Variants in DNAH6 observed in about 807,000 individuals in gnomAD.
DNAH6 encodes the protein dynein axonemal heavy chain 6.
DNAH6 carries 340 observed loss-of-function variants against 491.4 expected under a neutral mutation model. That is an observed-to-expected ratio of 0.69 (90% CI 0.63 to 0.76). The LOEUF (loss-of-function observed/expected upper bound fraction) is 0.76. Among genes scored for constraint, DNAH6 ranks in the 30% least tolerant of loss-of-function variants. DNAH6 has a pLI of 0.00. For missense variants in DNAH6, 4,443 were observed against 4,972.2 expected (o/e 0.89, Z 3.20); for synonymous variants, 1,603 against 1,686.1 (o/e 0.95, Z 1.21).
At chr2:84,582,722 G>A (rs896125656) in intron 14 of DNAH6, among the ~76,000 whole-genome samples, 1 of 152,208 alleles carries the variant, frequency 6.6e-6, no homozygotes, top group Non-Finnish European at 1.5e-5. Flanking sequence ...AAAGTGCTGG[G>A]ATTACAGGTG....
intron 7 of DNAH6, 123 bp from the exon 8 acceptor site, chr2:84,548,165 T>C: frequency 3.8e-6 from 4 of 1,065,920 alleles, no homozygotes; most frequent in Non-Finnish European, 5.3e-6. Context: ...CAGGTTTGAA[T>C]TGCTTCGTGT....
chr2:84,706,960 A>G lies in DNAH6; in HGVS notation c.8792A>G (p.Asp2931Gly). ...CAAGCATTACTAAGACAAGTAGAAG[A>G]TCAAATACAGGCCTTACAAGATGAA... is the stretch of plus-strand genomic sequence containing the variant. ...EKQALLRQVE[D>G]QIQALQDEYD... Residue 2931 changes from aspartate (D) to glycine (G), a missense_variant, in exon 53 of 77, where the codon GAT becomes GGT. Coordinates refer to ENST00000389394, the MANE Select transcript of DNAH6 (RefSeq NM_001370.2). The G allele has an allele frequency of 6.5e-7, 1 of 1,544,626 alleles. No homozygotes were observed. The highest frequency in any genetic ancestry group is 8.7e-7 in the Non-Finnish European group (1 of 1,145,676).
Position 84,709,503 on chromosome 2 carries a change from C to T in DNAH6, c.9209C>T (p.Thr3070Ile), listed in dbSNP as rs557863373. Reference sequence around the variant, plus strand: ...TCAACAGAAAATGGCATTTTGGTTACTCAAGGCAGAAGATGGCCTTTGATG... The same window carrying T: ...TCAACAGAAAATGGCATTTTGGTTATTCAAGGCAGAAGATGGCCTTTGATG... ...LISTENGILVTQGRRWPLMID... is the reference protein window; with the variant it reads ...LISTENGILVIQGRRWPLMID... Residue 3070 changes from threonine (T) to isoleucine (I), a missense_variant, in exon 55 of 77, where the codon ACT (threonine) becomes ATT (isoleucine). By Grantham distance (89) the Thr-to-Ile change is moderately conservative (BLOSUM62 -1). Around this residue, in one of 3 missense-constraint regions of DNAH6, gnomAD observed 1,463 missense variants for 1,656.6 expected, o/e 0.88. Transcript: ENST00000389394. The T allele has an allele frequency of 3.4e-5, 52 of 1,551,556 alleles. No homozygotes were observed. The highest frequency in any genetic ancestry group is 3.3e-4 in the Middle Eastern group (2 of 5,990).
At chr2:84,528,129 C>T (rs538929591) in intron 3 of DNAH6, among the ~76,000 whole-genome samples, 1 of 152,140 alleles carries the variant, frequency 6.6e-6, no homozygotes, top group South Asian at 2.1e-4. Flanking sequence ...ACAGTGAAGC[C>T]CAGAGACTAG....
chr2:84,581,427 C>A (rs1186894215), intron 14 of DNAH6, among the ~76,000 whole-genome samples: 1 of 152,252 alleles, frequency 6.6e-6, no homozygotes, highest in Admixed American at 6.5e-5. Flanking sequence ...AATGAATAAA[C>A]CTGCTTTAAA....
chr2:84,623,106 A>G (rs1426477842), intron 26 of DNAH6, among the ~76,000 whole-genome samples: 1 of 152,198 alleles, frequency 6.6e-6, no homozygotes, highest in Non-Finnish European at 1.5e-5. Flanking sequence ...AAAATGGATT[A>G]AGGATTTAAA....
upstream of DNAH6, among the ~76,000 whole-genome samples, chr2:84,512,169 C>T (rs955408480): frequency 2.6e-5 from 4 of 151,892 alleles, no homozygotes; most frequent in Middle Eastern, 3.2e-3. Flanking sequence ...TTCTATAGTC[C>T]CTTAGTCAAT....
chr2:84,660,246 T>C (rs1373416186), intron 37 of DNAH6, among the ~76,000 whole-genome samples: 1 of 152,140 alleles, frequency 6.6e-6, no homozygotes, highest in East Asian at 1.9e-4. Context: ...CAAAGAATGA[T>C]GTGACATGTC....
chr2:84,461,670 G>T, the DNAH6 span, among the ~76,000 whole-genome samples: 22 of 152,152 alleles, frequency 1.4e-4, no homozygotes. Context: ...CCAAATAGTC[G>T]ATAATGGTAG....
At chr2:84,473,353 C>G in the DNAH6 span, among the ~76,000 whole-genome samples, 1 of 152,132 alleles carries the variant, frequency 6.6e-6, no homozygotes, top group Non-Finnish European at 1.5e-5. Flanking sequence ...GCAATTTGGT[C>G]TAAGTACAGA....
chr2:84,723,689 A>T (rs184755124), intron 60 of DNAH6, among the ~76,000 whole-genome samples: 241 of 152,184 alleles, frequency 1.6e-3, no homozygotes, highest in African/African-American at 5.4e-3. Flanking sequence ...ACTTAGAGGG[A>T]TCTCTTTCCT....
chr2:84,541,574 T>C (rs1678247413), intron 4 of DNAH6, among the ~76,000 whole-genome samples: 1 of 152,116 alleles, frequency 6.6e-6, no homozygotes, highest in South Asian at 2.1e-4. Flanking sequence ...AAGAAAAGAT[T>C]TTCTATGTGC....
At chr2:84,739,408 G>T (rs1051247834) in intron 62 of DNAH6, among the ~76,000 whole-genome samples, 4 of 151,998 alleles carry the variant, frequency 2.6e-5, no homozygotes, top group African/African-American at 9.7e-5. Context: ...GCAAGATTGG[G>T]GAAATTTTCC....
the DNAH6 span, among the ~76,000 whole-genome samples, chr2:84,482,945 A>G: frequency 2.0e-5 from 3 of 150,756 alleles, no homozygotes; most frequent in African/African-American, 7.3e-5. Flanking sequence ...AACATATTTT[A>G]TGTTACGGTT....
In DNAH6 at chr2:84,579,515, T is replaced by C; in HGVS notation, c.2077-12T>C. On this transcript the variant is annotated splice_polypyrimidine_tract_variant and intron_variant, in intron 13 of 76. Transcript: ENST00000389394. The stretch of plus-strand genomic sequence containing the variant: ...TCGACTATTTACAATTCACACGGTG[T>C]TTCTTTCTTAGGTGCTAAATTTTAT... 3.7e-6 allele frequency: 6 copies of C among 1,612,412 alleles called. No individual in the cohort carries two copies. Among genetic ancestry groups the C allele is most frequent in the Non-Finnish European group, 5.1e-6 (6 of 1,178,864 alleles).
At position 84,704,889 on chromosome 2, in the gene DNAH6, C is replaced by T. The variant is rs542502712; in HGVS notation, c.8465+587C>T. Among the ~76,000 whole-genome samples, 5 of 152,266 alleles carry T rather than the reference C, an allele frequency of 3.3e-5. No homozygotes were observed. The East Asian group carries it at 9.6e-4, about 29-fold the overall frequency. ...AAAACTAGGCAAAGGGCTCAGAGCA[C>T]CACATCACCACCAGGCTTCCAGGAG... On this transcript the variant is annotated intron_variant, in intron 51 of 76. Transcript: ENST00000389394.
In DNAH6 at chr2:84,784,920, G is replaced by T. The variant is rs909134615; in HGVS notation, c.10953+110G>T. The T allele has an allele frequency of 5.5e-6, 4 of 728,954 alleles. No individual in the cohort carries two copies. The African/African-American group carries it at 7.2e-5, about 13-fold the overall frequency. 45.2% of individuals were successfully genotyped at this position (728,954 alleles called of 1,614,324 possible). A position where few individuals can be genotyped will look rare whatever the true frequency, so the allele number is the denominator to read the frequency against. ...ACAGAAGCATGTGGAGGTCTGTGTG[G>T]CCAGCATGGGGAGGTGAAGTCAGTA... On this transcript the variant is annotated intron_variant, in intron 66 of 76. Transcript: ENST00000389394.
intron 56 of DNAH6, among the ~76,000 whole-genome samples, 199 bp downstream of exon 56, chr2:84,710,611 G>C (rs2104872443): frequency 6.6e-6 from 1 of 152,288 alleles, no homozygotes; most frequent in East Asian, 1.9e-4. Flanking sequence ...TTGACTTTCA[G>C]ACATTGTTTT....
chr2:84,605,747 G>A (rs1040972541), intron 20 of DNAH6, among the ~76,000 whole-genome samples, 155 bp downstream of exon 20: 7 of 152,164 alleles, frequency 4.6e-5, no homozygotes, highest in Non-Finnish European at 8.8e-5. Context: ...AATAATTGAC[G>A]TGAATGCTTG....
Sources: allele counts gnomAD v4.1 joint callset (sites outside exome capture counted in the v4.1 genomes callset), GRCh38; gene constraint gnomAD v4.1.1; regional missense constraint gnomAD v4.1.1; transcripts MANE v1.5; gene names NCBI Gene and HGNC (gene_info 2026-07-23, HGNC 2026-07-21).